CEP152: variants seen among roughly 807,000 people sequenced by gnomAD.
CEP152 encodes centrosomal protein of 152 kDa.
Under a neutral mutation model 188.9 loss-of-function variants are expected in CEP152, and 132 were observed. The ratio of observed to expected loss-of-function variants is 0.70; its 90% CI spans 0.61 to 0.81. The LOEUF (loss-of-function observed/expected upper bound fraction) is 0.81. CEP152 is among the 30% of genes least tolerant of loss of function. The pLI is 0.00. For synonymous variants in CEP152, 649 were observed against 666.6 expected, an observed-to-expected ratio of 0.97 and a Z score of 0.41; for missense variants, 1,914 against 1,969.8, an observed-to-expected ratio of 0.97 and a Z score of 0.54.
intron 24 of CEP152, among the ~76,000 whole-genome samples, chr15:48,742,597 T>A (rs960660026): frequency 6.6e-6 from 1 of 152,208 alleles, no homozygotes; most frequent in African/African-American, 2.4e-5. Context: ...CATTATTTAT[T>A]GAAAATTCTT....
rs770721997 is a variant in CEP152, at chr15:48,738,516, T to C, written c.4866A>G (p.Glu1622=). ...SPSGYLSDTE[E]SNMICQTMKC... is the part of the protein sequence containing the mutation. ...TCATTGTTTGACAAATCATATTACT[T>C]TCCTCTGTATCTGAAAGATAACCGG... The change falls in exon 27 of 27, where the codon GAA becomes GAG. Residue 1622 remains glutamate, a synonymous_variant. Coordinates refer to ENST00000380950, the MANE Select transcript of CEP152 (RefSeq NM_001194998.2). 4 of 1,614,224 alleles carry C rather than the reference T, an allele frequency of 2.5e-6. No individual in the cohort carries two copies. In the South Asian group the frequency reaches 3.3e-5, roughly 13 times the overall value.
At chr15:48,750,067 C>T (rs1033951323) in intron 21 of CEP152, among the ~76,000 whole-genome samples, 7 of 151,960 alleles carry the variant, frequency 4.6e-5, no homozygotes, top group Non-Finnish European at 1.0e-4. Context: ...CACATATATA[C>T]ATAAGAGCAC....
rs115079728 is a variant in CEP152 at position 48,759,442 on chromosome 15, T to C, written c.2694+693A>G. On this transcript the variant is annotated intron_variant, in intron 19 of 26. Transcript: ENST00000380950. Reference sequence around the variant, plus strand: ...TTAAGCTTTTATTTATAGTAGGGCCTACCTCTGAAACCTGTATTGCACTGA... The same window carrying C: ...TTAAGCTTTTATTTATAGTAGGGCCCACCTCTGAAACCTGTATTGCACTGA... Among the ~76,000 whole-genome samples, 430 of 152,318 alleles carry C rather than the reference T, an allele frequency of 2.8e-3. 1 individual carries two copies. Among genetic ancestry groups the C allele is most frequent in the African/African-American group, 9.9e-3 (411 of 41,576 alleles).
chr15:48,769,057 G>C lies in CEP152; in HGVS notation c.1807C>G (p.Pro603Ala), dbSNP rs748181160. 4.1e-5 allele frequency: 66 copies of C among 1,606,152 alleles called. No individual in the cohort carries two copies. Among genetic ancestry groups the C allele is most frequent in the Non-Finnish European group, 5.4e-5 (63 of 1,173,666 alleles). The change falls in exon 14 of 27, where the codon CCA (proline) becomes GCA (alanine). Residue 603 changes from proline to alanine, a missense_variant. Physicochemically the swap from Pro to Ala is conservative, Grantham distance 27. Coordinates refer to ENST00000380950, the MANE Select transcript of CEP152 (RefSeq NM_001194998.2). ...GACTCAGGCCATAATTGATTCTTTG[G>C]TTTTTCTGAGGTATCTGTTTTAGTC... ...VETKTDTSEK[P>A]KNQLWPESST...
intron 6 of CEP152, 96 bp downstream of exon 6, chr15:48,795,914 A>G: frequency 2.5e-6 from 3 of 1,182,446 alleles, no homozygotes. Flanking sequence ...TCATACTTAA[A>G]AAATAATAAT....
At chr15:48,790,564 C>T (rs1343610393) in intron 8 of CEP152, among the ~76,000 whole-genome samples, 1 of 152,004 alleles carries the variant, frequency 6.6e-6, no homozygotes, top group Non-Finnish European at 1.5e-5. Flanking sequence ...ATTTCATAGT[C>T]ACTTTCATTT....
At chr15:48,753,193 C>T (rs1185789966) in intron 20 of CEP152, among the ~76,000 whole-genome samples, 2 of 152,168 alleles carry the variant, frequency 1.3e-5, no homozygotes, top group East Asian at 3.8e-4. Context: ...GGCTGAAGGG[C>T]ATTGGCGCGA....
intron 1 of CEP152, among the ~76,000 whole-genome samples, chr15:48,809,155 C>T (rs1486304601): frequency 6.6e-6 from 1 of 152,194 alleles, no homozygotes; most frequent in African/African-American, 2.4e-5. Context: ...AAACTATAAG[C>T]ACCCTGAAGG....
In CEP152 at chr15:48,768,961, T is replaced by G. The variant is rs1271919190; in HGVS notation, c.1903A>C (p.Asn635His). 1.3e-6 allele frequency: 2 copies of G among 1,527,526 alleles called. No individual in the cohort carries two copies. Among genetic ancestry groups the G allele is most frequent in the Admixed American group, 3.5e-5 (2 of 57,692 alleles). The allele number at this position is 1,527,526 out of a possible 1,614,324, so 94.6% of individuals were successfully genotyped here. A position where few individuals can be genotyped will look rare whatever the true frequency, so the allele number is the denominator to read the frequency against. Reference protein sequence around the residue: ...KNEIQVLQQQNQELKETEGKL... With the variant: ...KNEIQVLQQQHQELKETEGKL... Reference sequence around the variant, plus strand: ...TAAAAAATATTTTTAATCACCTGATTTTGTTGTTGTAAAACTTGAATTTCA... The same window carrying G: ...TAAAAAATATTTTTAATCACCTGATGTTGTTGTTGTAAAACTTGAATTTCA... Residue 635 changes from asparagine (N) to histidine (H), a missense_variant, in exon 14 of 27, where the codon AAT becomes CAT. Physicochemically the swap from Asn to His is moderately conservative, Grantham distance 68 (BLOSUM62 1). Transcript: ENST00000380950.
intron 14 of CEP152, 93 bp downstream of exon 14, chr15:48,768,863 A>G (rs1271783966): frequency 7.4e-6 from 7 of 946,462 alleles, no homozygotes; most frequent in South Asian, 5.0e-5. Context: ...ACTAACTCAC[A>G]TTGCCTCTTT....
chr15:48,789,776 G>C (rs986366028), intron 8 of CEP152, among the ~76,000 whole-genome samples: 3 of 152,152 alleles, frequency 2.0e-5, no homozygotes, highest in African/African-American at 7.2e-5. Flanking sequence ...GCCTCTAGAA[G>C]TTGGAAATAG....
At chr15:48,730,674 C>T (rs1346157577) in intron 2 of CEP152, among the ~76,000 whole-genome samples, 1 of 152,162 alleles carries the variant, frequency 6.6e-6, no homozygotes, top group Non-Finnish European at 1.5e-5. Context: ...TCAATACAGC[C>T]TTCAACCAAT....
chr15:48,768,888 T>A (rs1567000170), intron 14 of CEP152, 68 bp downstream of exon 14: 1 of 1,212,470 alleles, frequency 8.2e-7, no homozygotes, highest in Non-Finnish European at 1.2e-6. Flanking sequence ...GCAAAAACTC[T>A]ATTATATCCT....
At chr15:48,769,200 C>G in intron 13 of CEP152, 119 bp from the exon 14 acceptor site, 1 of 749,866 alleles carries the variant, frequency 1.3e-6, no homozygotes, top group Admixed American at 2.8e-5. Flanking sequence ...ATAGCTTTTA[C>G]TCATCTTCCC....
At chr15:48,780,148 AC>A (rs1896155136) in intron 12 of CEP152, among the ~76,000 whole-genome samples, 1 of 152,198 alleles carries the variant, frequency 6.6e-6, no homozygotes, top group Non-Finnish European at 1.5e-5. Context: ...TGGGATAAGA[AC>A]TTGAAGGTGG....
intron 1 of CEP152, among the ~76,000 whole-genome samples, chr15:48,806,337 C>A (rs1009632055): frequency 2.0e-5 from 3 of 152,212 alleles, no homozygotes; most frequent in East Asian, 3.9e-4. Context: ...GTGACTGCTG[C>A]GGCAGAAGCA....
chr15:48,739,969 T>A (rs1892837890), intron 26 of CEP152, among the ~76,000 whole-genome samples: 1 of 152,188 alleles, frequency 6.6e-6, no homozygotes, highest in Admixed American at 6.5e-5. Context: ...ATACAAATAA[T>A]CTTTGGCTTG....
At chr15:48,777,851 C>T (rs1438683305) in intron 12 of CEP152, among the ~76,000 whole-genome samples, 1 of 152,116 alleles carries the variant, frequency 6.6e-6, no homozygotes, top group Non-Finnish European at 1.5e-5. Flanking sequence ...ACATCCTGTA[C>T]TCCTAGAGGG....
At chr15:48,766,205 T>TG (rs1895077307) in intron 17 of CEP152, among the ~76,000 whole-genome samples, 1 of 152,246 alleles carries the variant, frequency 6.6e-6, no homozygotes, top group Non-Finnish European at 1.5e-5. Flanking sequence ...ATTCCTCGCC[T>TG]GCTCTTTACT....
Sources: allele counts gnomAD v4.1 joint callset (sites outside exome capture counted in the v4.1 genomes callset), GRCh38; gene constraint gnomAD v4.1.1; transcripts MANE v1.5; gene names NCBI Gene and HGNC (gene_info 2026-07-23, HGNC 2026-07-21).